CNTNAP5: variants seen among roughly 807,000 people sequenced by gnomAD.
The protein encoded by CNTNAP5 is contactin associated protein family member 5.
In CNTNAP5, 72 loss-of-function variants were observed where a neutral mutation model predicts 150.2. That is an observed-to-expected ratio of 0.48 (90% CI 0.40 to 0.58). The LOEUF (loss-of-function observed/expected upper bound fraction) is 0.58. Ranked by LOEUF, CNTNAP5 falls within the 20% of genes least tolerant of loss-of-function variation. The pLI, the probability that CNTNAP5 is intolerant of heterozygous loss-of-function variation, is 0.00. For synonymous variants in CNTNAP5, 672 were observed against 619.8 expected, an observed-to-expected ratio of 1.08 and a Z score of -1.25; for missense variants, 1,636 against 1,626.2, an observed-to-expected ratio of 1.01 and a Z score of -0.10.
At chr2:124,624,971 C>A (rs899043661) in intron 12 of CNTNAP5, among the ~76,000 whole-genome samples, 1 of 152,198 alleles carries the variant, frequency 6.6e-6, no homozygotes, top group Non-Finnish European at 1.5e-5. Context: ...TCTGGAGAGA[C>A]TAAGCAACTA....
At chr2:124,457,076 A>C (rs1391707327) in intron 6 of CNTNAP5, among the ~76,000 whole-genome samples, 1 of 152,226 alleles carries the variant, frequency 6.6e-6, no homozygotes, top group Admixed American at 6.5e-5. Context: ...GAACTTAATT[A>C]AACTAAACAG....
intron 11 of CNTNAP5, among the ~76,000 whole-genome samples, chr2:124,565,253 A>G (rs1012887405): frequency 2.0e-5 from 3 of 152,196 alleles, no homozygotes; most frequent in Admixed American, 1.3e-4. Context: ...GCAGAAACAA[A>G]AAAAATATTG....
chr2:124,190,376 G>C (rs999343254), intron 1 of CNTNAP5, among the ~76,000 whole-genome samples: 2 of 152,116 alleles, frequency 1.3e-5, no homozygotes, highest in Non-Finnish European at 2.9e-5. Context: ...TTAGGGAGGA[G>C]GAGGAGATGA....
At chr2:124,601,311 A>G (rs568762624) in intron 11 of CNTNAP5, among the ~76,000 whole-genome samples, 2 of 152,316 alleles carry the variant, frequency 1.3e-5, no homozygotes, top group African/African-American at 4.8e-5. Context: ...AGACTCTAAC[A>G]AGAGCAAGAG....
intron 13 of CNTNAP5, among the ~76,000 whole-genome samples, chr2:124,656,944 T>G (rs978891979): frequency 2.0e-5 from 3 of 152,214 alleles, no homozygotes; most frequent in Non-Finnish European, 4.4e-5. Context: ...CTTAAGTAAG[T>G]TAAATGGGCC....
At chr2:124,325,182 T>C (rs1689187322) in intron 3 of CNTNAP5, among the ~76,000 whole-genome samples, 1 of 152,106 alleles carries the variant, frequency 6.6e-6, no homozygotes, top group Admixed American at 6.6e-5. Flanking sequence ...GCCTAACGTT[T>C]TCAGCCATGA....
At chr2:124,336,824 G>T (rs947271178) in intron 3 of CNTNAP5, among the ~76,000 whole-genome samples, 2 of 151,940 alleles carry the variant, frequency 1.3e-5, no homozygotes, top group Non-Finnish European at 2.9e-5. Context: ...GAATAGTGCC[G>T]CAATAAACAT....
At chr2:124,525,212 G>T (rs1341193153) in intron 9 of CNTNAP5, among the ~76,000 whole-genome samples, 2 of 152,098 alleles carry the variant, frequency 1.3e-5, no homozygotes, top group Non-Finnish European at 2.9e-5. Flanking sequence ...TTTCATAGTT[G>T]TTTGTATTAT....
chr2:124,200,377 G>A lies in CNTNAP5; in HGVS notation c.83-21328G>A, dbSNP rs201912275. ...ATTTCTTTTTGAGACACCACTCATTGTTATGGTTTTCTCAAAACATTTCCC... is the reference window on the plus strand; with the variant it reads ...ATTTCTTTTTGAGACACCACTCATTATTATGGTTTTCTCAAAACATTTCCC... On this transcript the variant is annotated intron_variant, in intron 1 of 23. Transcript: ENST00000682447. Among the ~76,000 whole-genome samples, 10 of 151,962 alleles carry A rather than the reference G, an allele frequency of 6.6e-5. No homozygotes were observed. The East Asian group carries it at 1.5e-3, about 23-fold the overall frequency.
intron 10 of CNTNAP5, among the ~76,000 whole-genome samples, chr2:124,547,522 C>A (rs1034608290): frequency 3.9e-5 from 6 of 152,058 alleles, no homozygotes; most frequent in Non-Finnish European, 7.4e-5. Context: ...CTGTGTGAGG[C>A]CCTTTAGAAC....
At chr2:124,851,578 TA>T (rs1366442989) in intron 19 of CNTNAP5, among the ~76,000 whole-genome samples, 1 of 152,032 alleles carries the variant, frequency 6.6e-6, no homozygotes, top group African/African-American at 2.4e-5. Context: ...AGTCAGCACA[TA>T]GGGGTTCAGC....
intron 11 of CNTNAP5, among the ~76,000 whole-genome samples, chr2:124,597,560 C>T (rs1696858249): frequency 6.6e-6 from 1 of 151,256 alleles, no homozygotes; most frequent in Non-Finnish European, 1.5e-5. Context: ...AACTTTTTCT[C>T]TGGCTGCCCT....
chr2:124,249,637 T>C (rs1313443231), intron 3 of CNTNAP5, among the ~76,000 whole-genome samples: 3 of 152,216 alleles, frequency 2.0e-5, no homozygotes, highest in Non-Finnish European at 4.4e-5. Context: ...ATGTATTTGA[T>C]TGATGTCTCA....
chr2:124,058,919 G>A (rs1177251812), intron 1 of CNTNAP5, among the ~76,000 whole-genome samples: 5 of 152,092 alleles, frequency 3.3e-5, no homozygotes, highest in Non-Finnish European at 7.4e-5. Context: ...ATATTTAATT[G>A]GCCATGTGCC....
At chr2:124,706,369 G>A (rs1202893148) in intron 13 of CNTNAP5, among the ~76,000 whole-genome samples, 2 of 152,158 alleles carry the variant, frequency 1.3e-5, no homozygotes, top group African/African-American at 4.8e-5. Context: ...TTACATTGAT[G>A]TGAATTTCTG....
intron 2 of CNTNAP5, among the ~76,000 whole-genome samples, chr2:124,238,633 A>T (rs1686809638): frequency 6.6e-6 from 1 of 152,284 alleles, no homozygotes; most frequent in East Asian, 1.9e-4. Context: ...GTTTATAGGA[A>T]TTTTTGTAGT....
intron 7 of CNTNAP5, among the ~76,000 whole-genome samples, chr2:124,482,663 G>A (rs17011555): frequency 0.21 from 31,510 of 151,942 alleles, 3,572 homozygotes; most frequent in East Asian, 0.34. Flanking sequence ...AAGAGCTTGA[G>A]GGCGGAATCC....
intron 23 of CNTNAP5, 143 bp from the exon 24 acceptor site, chr2:124,913,949 G>T (rs1333826640): frequency 3.5e-6 from 2 of 572,450 alleles, no homozygotes; most frequent in Non-Finnish European, 6.3e-6. Context: ...TTTATTTCTG[G>T]GCAGGTGGCA....
intron 1 of CNTNAP5, among the ~76,000 whole-genome samples, chr2:124,137,098 C>T (rs1273922818): frequency 6.6e-6 from 1 of 152,142 alleles, no homozygotes; most frequent in Admixed American, 6.5e-5. Context: ...TCTTCTCCTC[C>T]AGCCTATGAG....
Sources: gnomAD v4.1 joint callset for allele counts (sites outside exome capture counted in the v4.1 genomes callset) on GRCh38, gnomAD v4.1.1 for gene constraint, MANE v1.5 for transcripts, NCBI Gene and HGNC (gene_info 2026-07-23, HGNC 2026-07-21) for gene names.